Variants in EYA1 observed in about 807,000 individuals in gnomAD.
EYA1 encodes the protein protein phosphatase EYA1.
Under a neutral mutation model 82.0 loss-of-function variants are expected in EYA1, and 16 were observed. The observed-to-expected ratio is 0.20, with a 90% CI of 0.13 to 0.30. EYA1 has a LOEUF of 0.30. Among genes scored for constraint, EYA1 ranks in the 10% least tolerant of loss-of-function variants. The probability of loss-of-function intolerance (pLI) is 1.00; values close to 1 mark genes in which losing one functional copy is unlikely to be tolerated. For missense variants in EYA1, 633 were observed against 730.7 expected (o/e 0.87, Z 1.54); for synonymous variants, 261 against 264.4 (o/e 0.99, Z 0.12).
chr8:71,399,665 A>C (rs917000421), intron 2 of EYA1, among the ~76,000 whole-genome samples: 1 of 152,204 alleles, frequency 6.6e-6, no homozygotes. Context: ...ATGGAATAAC[A>C]TTCCATGTTC....
In EYA1 at chr8:71,264,924, T is replaced by C. The variant is rs548776167; in HGVS notation, c.1050+4816A>G. On this transcript the variant is annotated intron_variant, in intron 11 of 17. Coordinates refer to ENST00000340726, the MANE Select transcript of EYA1 (RefSeq NM_000503.6). Reference sequence around the variant, plus strand: ...TTAATTTTTAAAACAATTCCGCAAGTCACGTAGCTGGCTTTATGGATAAGA... The same window carrying C: ...TTAATTTTTAAAACAATTCCGCAAGCCACGTAGCTGGCTTTATGGATAAGA... 5.3e-5 allele frequency among the ~76,000 whole-genome samples: 8 copies of C among 152,268 alleles called. No individual in the cohort carries two copies. In the East Asian group the frequency reaches 1.4e-3, roughly 26 times the overall value.
chr8:71,395,473 C>A (rs529519295), intron 2 of EYA1, among the ~76,000 whole-genome samples: 1 of 152,228 alleles, frequency 6.6e-6, no homozygotes, highest in South Asian at 2.1e-4. Flanking sequence ...CCCATCATTA[C>A]CGAGTTTATT....
intron 2 of EYA1, among the ~76,000 whole-genome samples, chr8:71,516,117 A>C (rs1287627489): frequency 6.6e-6 from 1 of 152,122 alleles, no homozygotes; most frequent in Non-Finnish European, 1.5e-5. Flanking sequence ...CTATAGTCAC[A>C]AAGACAGTTT....
At chr8:71,543,627 C>G (rs1815327533) in intron 1 of EYA1, among the ~76,000 whole-genome samples, 1 of 152,132 alleles carries the variant, frequency 6.6e-6, no homozygotes, top group South Asian at 2.1e-4. Context: ...TGTTTATCCA[C>G]CAATATCCCT....
chr8:71,202,302 T>C (rs529451142), intron 17 of EYA1, among the ~76,000 whole-genome samples: 2 of 152,256 alleles, frequency 1.3e-5, no homozygotes, highest in Non-Finnish European at 2.9e-5. Context: ...AGTGGGCATT[T>C]AATTTCATAG....
chr8:71,520,379 C>T (rs563734783), intron 2 of EYA1, among the ~76,000 whole-genome samples: 1 of 152,204 alleles, frequency 6.6e-6, no homozygotes, highest in African/African-American at 2.4e-5. Flanking sequence ...CAGGGCCCCT[C>T]AAGCGGAACA....
chr8:71,503,602 T>C (rs1482445545), intron 2 of EYA1, among the ~76,000 whole-genome samples: 1 of 152,224 alleles, frequency 6.6e-6, no homozygotes, highest in East Asian at 1.9e-4. Context: ...TAATCTTTTA[T>C]GACATCGCCA....
chr8:71,228,486 A>G (rs574715553), intron 12 of EYA1, among the ~76,000 whole-genome samples: 12 of 152,150 alleles, frequency 7.9e-5, no homozygotes, highest in Non-Finnish European at 1.6e-4. Flanking sequence ...TATACTCATA[A>G]TTTCACTCCC....
chr8:71,231,713 G>A (rs1328120345), intron 12 of EYA1, among the ~76,000 whole-genome samples: 1 of 152,218 alleles, frequency 6.6e-6, no homozygotes, highest in African/African-American at 2.4e-5. Flanking sequence ...AGGACATTCA[G>A]CGCAAAGTAG....
chr8:71,516,588 T>C (rs1812994555), intron 2 of EYA1, among the ~76,000 whole-genome samples: 1 of 152,140 alleles, frequency 6.6e-6, no homozygotes, highest in Non-Finnish European at 1.5e-5. Flanking sequence ...TATATGCAAA[T>C]ACAAATTTGC....
In EYA1 at chr8:71,451,026, G is replaced by A. The variant is rs545020587; in HGVS notation, c.33+84718C>T. 3.9e-5 allele frequency among the ~76,000 whole-genome samples: 6 copies of A among 152,292 alleles called. No individual in the cohort carries two copies. In the East Asian group the frequency reaches 7.7e-4, roughly 20 times the overall value. On this transcript the variant is annotated intron_variant, in intron 2 of 18. Coordinates refer to the EYA1 transcript ENST00000643681. ...TAATTATCAGAGAAATGCACACTAC[G>A]ATACTATTATCACCCATTAAATTGT...
At chr8:71,283,647 C>T (rs761607991) in intron 9 of EYA1, among the ~76,000 whole-genome samples, 2 of 152,096 alleles carry the variant, frequency 1.3e-5, no homozygotes, top group African/African-American at 4.8e-5. Context: ...GGATGTGTCA[C>T]AGGGAAATAC....
intron 12 of EYA1, among the ~76,000 whole-genome samples, chr8:71,241,813 A>ATTT (rs59559300): frequency 1.0e-4 from 15 of 146,862 alleles, no homozygotes; most frequent in African/African-American, 2.7e-4. Context: ...GCCAATAGAC[A>ATTT]TTTTTTTTTT....
chr8:71,371,963 G>T (rs1397181010), intron 2 of EYA1, among the ~76,000 whole-genome samples: 2 of 152,024 alleles, frequency 1.3e-5, no homozygotes, highest in Non-Finnish European at 2.9e-5. Flanking sequence ...ATAAGAAAAT[G>T]AGAAGTTATA....
chr8:71,468,863 A>G (rs185092817), intron 2 of EYA1, among the ~76,000 whole-genome samples: 40 of 152,244 alleles, frequency 2.6e-4, no homozygotes, highest in Admixed American at 2.4e-3. Context: ...ATTTATTTTT[A>G]TAAATTTTAT....
intron 2 of EYA1, among the ~76,000 whole-genome samples, chr8:71,477,644 C>T (rs1809773992): frequency 6.6e-6 from 1 of 151,922 alleles, no homozygotes; most frequent in African/African-American, 2.4e-5. Context: ...ATGGTGCAAA[C>T]ACTGTGGTAA....
At chr8:71,535,560 T>C (rs1365455439) in intron 2 of EYA1, among the ~76,000 whole-genome samples, 1 of 152,200 alleles carries the variant, frequency 6.6e-6, no homozygotes. Context: ...TGAGAAAAGA[T>C]ATAAATTAGG....
Position 71,217,067 on chromosome 8 carries a change from C to T in EYA1, c.1141-44G>A, listed in dbSNP as rs1178137326. 2.7e-6 allele frequency: 4 copies of T among 1,479,284 alleles called. No homozygotes were observed. In the South Asian group the frequency reaches 4.6e-5, roughly 17 times the overall value. 91.6% of individuals were successfully genotyped at this position (1,479,284 alleles called of 1,614,324 possible). On this transcript the variant is annotated intron_variant, in intron 12 of 17. Coordinates refer to ENST00000340726, the MANE Select transcript of EYA1 (RefSeq NM_000503.6). ...GATACATGTCAATTTTTTAAGAGTACCTAATTTTTTTGTTTTGTTTTGGAA... is the reference window on the plus strand; with the variant it reads ...GATACATGTCAATTTTTTAAGAGTATCTAATTTTTTTGTTTTGTTTTGGAA...
At chr8:71,315,253 T>C (rs1256988336) in intron 7 of EYA1, among the ~76,000 whole-genome samples, 1 of 152,246 alleles carries the variant, frequency 6.6e-6, no homozygotes, top group Non-Finnish European at 1.5e-5. Context: ...AATTATTATT[T>C]GATTCAATAA....
Sources: allele counts gnomAD v4.1 joint callset (sites outside exome capture counted in the v4.1 genomes callset), GRCh38; gene constraint gnomAD v4.1.1; transcripts MANE v1.5; gene names NCBI Gene and HGNC (gene_info 2026-07-23, HGNC 2026-07-21).